Variants in RBFOX1 observed in about 807,000 individuals in gnomAD.
RBFOX1 encodes the protein RNA binding protein fox-1 homolog 1.
Under a neutral mutation model 57.7 loss-of-function variants are expected in RBFOX1, and 8 were observed. That is an observed-to-expected ratio of 0.14 (90% CI 0.08 to 0.25). The LOEUF (loss-of-function observed/expected upper bound fraction) is 0.25, where lower values mean the gene tolerates loss of function less well. Among genes scored for constraint, RBFOX1 ranks in the 10% least tolerant of loss-of-function variants. The pLI is 1.00. For synonymous variants in RBFOX1, 326 were observed against 222.4 expected (o/e 1.47, Z -4.15); for missense variants, 611 against 548.5 (o/e 1.11, Z -1.14).
intron 2 of RBFOX1, among the ~76,000 whole-genome samples, chr16:6,608,890 G>T (rs2097991412): frequency 6.6e-6 from 1 of 152,192 alleles, no homozygotes; most frequent in South Asian, 2.1e-4. Flanking sequence ...TGAGCCTGTA[G>T]AGGAGATCTT....
rs143727549 is a variant in RBFOX1, at chr16:7,086,037, C to G, written c.27+33939C>G. On this transcript the variant is annotated intron_variant, in intron 4 of 15. Transcript: ENST00000550418. ...TATTTTCTTACCTCTCTGAGATAGCCAGCTCTGAGGCTGTCTCCATCACTG... is the reference window on the plus strand; with the variant it reads ...TATTTTCTTACCTCTCTGAGATAGCGAGCTCTGAGGCTGTCTCCATCACTG... Among the ~76,000 whole-genome samples the G allele has an allele frequency of 5.4e-3, 817 of 152,264 alleles. 8 individuals carry two copies. The highest frequency in any genetic ancestry group is 0.019 in the African/African-American group (771 of 41,562).
intron 1 of RBFOX1, among the ~76,000 whole-genome samples, chr16:5,410,843 G>A (rs1401398661): frequency 6.6e-6 from 1 of 152,232 alleles, no homozygotes; most frequent in Non-Finnish European, 1.5e-5. Context: ...AGACATCAGA[G>A]TGAGTCATAT....
intron 2 of RBFOX1, among the ~76,000 whole-genome samples, chr16:5,541,775 G>A (rs903633876): frequency 6.6e-6 from 1 of 152,122 alleles, no homozygotes; most frequent in African/African-American, 2.4e-5. Context: ...ATTTAAACAA[G>A]GAGTTGTATT....
intron 11 of RBFOX1, among the ~76,000 whole-genome samples, chr16:7,637,677 T>TAAAG (rs1164881974): frequency 6.6e-6 from 1 of 152,180 alleles, no homozygotes; most frequent in Non-Finnish European, 1.5e-5. Context: ...CACATTGGTG[T>TAAAG]AAAGAATTGT....
At chr16:7,105,963 C>T (rs1420553074) in intron 4 of RBFOX1, among the ~76,000 whole-genome samples, 1 of 152,114 alleles carries the variant, frequency 6.6e-6, no homozygotes, top group Non-Finnish European at 1.5e-5. Context: ...CAGTCTTTGT[C>T]TGTGCTAATG....
chr16:6,659,890 G>C (rs1490170892), intron 3 of RBFOX1, among the ~76,000 whole-genome samples: 1 of 152,092 alleles, frequency 6.6e-6, no homozygotes, highest in Non-Finnish European at 1.5e-5. Flanking sequence ...TCCTAGGTTT[G>C]GCAATTTCAG....
At chr16:7,029,635 A>G (rs1385550026) in intron 3 of RBFOX1, among the ~76,000 whole-genome samples, 1 of 152,168 alleles carries the variant, frequency 6.6e-6, no homozygotes, top group Non-Finnish European at 1.5e-5. Flanking sequence ...GCAGAAGGGT[A>G]TGAGATTTGA....
chr16:7,661,544 G>A (rs144203236), intron 12 of RBFOX1, among the ~76,000 whole-genome samples: 4 of 152,086 alleles, frequency 2.6e-5, no homozygotes, highest in Admixed American at 1.3e-4. Flanking sequence ...GCCTCCTTCC[G>A]TTCCACATTC....
At chr16:5,598,909 A>C (rs567724135) in exon 3 of RBFOX1, 1 of 1,523,740 alleles carries the variant, frequency 6.6e-7, no homozygotes, top group South Asian at 1.2e-5. Context: ...CAGGACTACA[A>C]GTCTGAAAAT....
intron 2 of RBFOX1, among the ~76,000 whole-genome samples, chr16:6,581,675 G>A (rs1018265231): frequency 6.6e-6 from 1 of 152,188 alleles, no homozygotes; most frequent in East Asian, 1.9e-4. Flanking sequence ...AGCTGCTAAG[G>A]GGGCCTCCCT....
At chr16:5,397,684 C>A (rs2066599312) in intron 1 of RBFOX1, among the ~76,000 whole-genome samples, 1 of 152,182 alleles carries the variant, frequency 6.6e-6, no homozygotes, top group Non-Finnish European at 1.5e-5. Flanking sequence ...AGACACATCA[C>A]CCAAATGCTA....
chr16:7,360,068 G>A (rs1360626444), intron 4 of RBFOX1, among the ~76,000 whole-genome samples: 6 of 152,080 alleles, frequency 3.9e-5, no homozygotes, highest in African/African-American at 1.4e-4. Flanking sequence ...TTCTATAGTT[G>A]AAACAACTTA....
At chr16:7,142,040 C>T (rs937983708) in intron 4 of RBFOX1, among the ~76,000 whole-genome samples, 1 of 151,372 alleles carries the variant, frequency 6.6e-6, no homozygotes, top group African/African-American at 2.4e-5. Flanking sequence ...TTCTTTTTAT[C>T]TGAGACAGGG....
intron 3 of RBFOX1, among the ~76,000 whole-genome samples, chr16:7,029,231 TATACGTATACGTATATATATACACAC>T (rs2042120244): frequency 1.4e-5 from 1 of 71,780 alleles, no homozygotes; most frequent in African/African-American, 7.5e-5. Context: ...CACACATATA[TATACGTATACGTATATATATACACAC>T]ATATATATAC....
chr16:6,117,927 T>A (rs2096514717), intron 1 of RBFOX1, among the ~76,000 whole-genome samples: 1 of 152,212 alleles, frequency 6.6e-6, no homozygotes, highest in Non-Finnish European at 1.5e-5. Context: ...AAAGCAGTAA[T>A]TTTGTTGGTG....
intron 4 of RBFOX1, among the ~76,000 whole-genome samples, chr16:7,467,642 C>G (rs546155228): frequency 1.3e-5 from 2 of 152,242 alleles, no homozygotes; most frequent in African/African-American, 4.8e-5. Flanking sequence ...TAAGAGTGAC[C>G]TTGCTAGGGT....
At chr16:6,403,797 G>A (rs1410080861) in intron 2 of RBFOX1, among the ~76,000 whole-genome samples, 2 of 152,084 alleles carry the variant, frequency 1.3e-5, no homozygotes, top group Admixed American at 6.5e-5. Context: ...ATCCATGTAT[G>A]GAAACCCTAC....
chr16:7,421,660 C>G (rs776218990), intron 4 of RBFOX1, among the ~76,000 whole-genome samples: 5 of 152,244 alleles, frequency 3.3e-5, no homozygotes, highest in Admixed American at 6.5e-5. Flanking sequence ...TTACTCAGTG[C>G]TTACTGTCCC....
At chr16:5,280,412 CTTGTCTTGATTGGA>C (rs1442383474) in intron 1 of RBFOX1, among the ~76,000 whole-genome samples, 1 of 152,144 alleles carries the variant, frequency 6.6e-6, no homozygotes, top group East Asian at 1.9e-4. Context: ...TTGTTGTGTC[CTTGTCTTGATTGGA>C]TATCAGGGTA....
Sources: allele counts gnomAD v4.1 joint callset (sites outside exome capture counted in the v4.1 genomes callset), GRCh38; gene constraint gnomAD v4.1.1; transcripts MANE v1.5; gene names NCBI Gene and HGNC (gene_info 2026-07-23, HGNC 2026-07-21).